MACF1: variants seen among roughly 807,000 people sequenced by gnomAD.
MACF1 encodes microtubule actin crosslinking factor 1.
In MACF1, 193 loss-of-function variants were observed where a neutral mutation model predicts 854.8. That is an observed-to-expected ratio of 0.23 (90% CI 0.20 to 0.25). The LOEUF (loss-of-function observed/expected upper bound fraction) is 0.25. Ranked by LOEUF, MACF1 falls within the 10% of genes least tolerant of loss-of-function variation. The pLI, the probability that MACF1 is intolerant of heterozygous loss-of-function variation, is 1.00. For missense variants in MACF1, 7,722 were observed against 8,929.1 expected (o/e 0.86, Z 5.45); for synonymous variants, 3,185 against 3,226.7 (o/e 0.99, Z 0.44).
Position 39,424,168 on chromosome 1 carries a change from T to G in MACF1, c.16290T>G (p.Thr5430=). Residue 5430 remains threonine (T), a synonymous_variant, in exon 61 of 101, where the codon ACT becomes ACG. Coordinates refer to ENST00000564288, the MANE Select transcript of MACF1 (RefSeq NM_001394062.1). ...TGGAGAGTCTTGAAAGTAGATGGAC[T>G]GAACTACTCAGTAAGGCAGCAGCCA... is the stretch of plus-strand genomic sequence containing the variant. ...GQLESLESRW[T]ELLSKAAARQ... 6.2e-7 allele frequency: 1 copy of G among 1,613,728 alleles called. No individual in the cohort carries two copies. The highest frequency in any genetic ancestry group is 8.5e-7 in the Non-Finnish European group (1 of 1,179,916).
intron 15 of MACF1, 81 bp from the exon 16 acceptor site, chr1:39,291,829 C>T: frequency 6.9e-7 from 1 of 1,456,674 alleles, no homozygotes; most frequent in Non-Finnish European, 9.2e-7. Context: ...CCCCTTGGTT[C>T]CTTGTCCTAA....
intron 2 of MACF1, among the ~76,000 whole-genome samples, chr1:39,151,132 G>A (rs1020568839): frequency 5.3e-5 from 8 of 152,022 alleles, no homozygotes; most frequent in Admixed American, 2.0e-4. Flanking sequence ...TTTATTTAAG[G>A]TACTATCTTC....
At chr1:39,393,834 AGAGG>A (rs1292916678) in intron 58 of MACF1, among the ~76,000 whole-genome samples, 1 of 138,232 alleles carries the variant, frequency 7.2e-6, no homozygotes, top group Non-Finnish European at 1.5e-5. Context: ...AGACAGAGAG[AGAGG>A]GAGGGAGGGA....
intron 2 of MACF1, among the ~76,000 whole-genome samples, chr1:39,239,606 A>G (rs1281940270): frequency 6.6e-6 from 1 of 152,240 alleles, no homozygotes; most frequent in African/African-American, 2.4e-5. Context: ...TAAATTATCT[A>G]TGCCATATCT....
At chr1:39,477,065 A>G (rs1435200970) in intron 97 of MACF1, among the ~76,000 whole-genome samples, 2 of 17,832 alleles carry the variant, frequency 1.1e-4, no homozygotes, top group East Asian at 1.6e-3. Flanking sequence ...ATATATATAT[A>G]TATATATATA....
chr1:39,393,199 AT>A (rs1642122607), intron 58 of MACF1, among the ~76,000 whole-genome samples: 78 of 112,862 alleles, frequency 6.9e-4, no homozygotes, highest in African/African-American at 3.1e-3. Flanking sequence ...AAAAAAAAAT[AT>A]ATATATATAT....
chr1:39,469,169 G>A (rs1336537726), intron 96 of MACF1, among the ~76,000 whole-genome samples: 2 of 152,178 alleles, frequency 1.3e-5, no homozygotes, highest in African/African-American at 4.8e-5. Flanking sequence ...TGGACCAGGA[G>A]GAAGGATAAA....
intron 51 of MACF1, among the ~76,000 whole-genome samples, chr1:39,370,641 G>A (rs1649144500): frequency 6.6e-6 from 1 of 152,126 alleles, no homozygotes; most frequent in Non-Finnish European, 1.5e-5. Context: ...AGCCAAATAT[G>A]CCTCTGACTA....
chr1:39,122,152 C>T (rs1642730581), intron 2 of MACF1, among the ~76,000 whole-genome samples: 1 of 152,050 alleles, frequency 6.6e-6, no homozygotes, highest in African/African-American at 2.4e-5. Flanking sequence ...GTATATAATT[C>T]ACATTTCAGA....
intron 94 of MACF1, 160 bp downstream of exon 94, chr1:39,463,846 T>G (rs1468121986): frequency 3.3e-6 from 2 of 597,550 alleles, no homozygotes; most frequent in Non-Finnish European, 6.1e-6. Context: ...GGTACCCTGT[T>G]ACATCTGAAA....
chr1:39,194,012 T>G (rs920771059), intron 2 of MACF1, among the ~76,000 whole-genome samples: 2 of 152,054 alleles, frequency 1.3e-5, no homozygotes, highest in African/African-American at 4.8e-5. Flanking sequence ...TTTGTATTTT[T>G]AATAGAGATG....
In MACF1 at chr1:39,357,839, A is replaced by C; in HGVS notation, c.11889A>C (p.Leu3963Phe). 2 of 1,614,144 alleles carry C rather than the reference A, an allele frequency of 1.2e-6. No homozygotes were observed. The highest frequency in any genetic ancestry group is 8.5e-7 in the Non-Finnish European group (1 of 1,180,006). The part of the protein sequence containing the change: ...EGKEPSEIGN[L>F]VKDKLKDATE... Reference sequence around the variant, plus strand: ...AAGAACCATCAGAAATTGGAAACTTAGTAAAGGACAAGTTGAAGGATGCAA... The same window carrying C: ...AAGAACCATCAGAAATTGGAAACTTCGTAAAGGACAAGTTGAAGGATGCAA... Residue 3963 changes from leucine (L) to phenylalanine (F), a missense_variant, in exon 45 of 101, where the codon TTA (leucine) becomes TTC (phenylalanine). This residue lies in a region of MACF1 where 2,807 missense variants were observed against 3,235.8 expected (regional missense o/e 0.87). Coordinates refer to ENST00000564288, the MANE Select transcript of MACF1 (RefSeq NM_001394062.1).
chr1:39,411,147 G>C (rs753203800), intron 58 of MACF1: 2 of 1,613,720 alleles, frequency 1.2e-6, no homozygotes, highest in Admixed American at 1.7e-5. Context: ...CCCCTTGCCT[G>C]AGTGAAGAGC....
At chr1:39,436,467 C>T (rs776924253) in intron 70 of MACF1, 23 of 1,613,778 alleles carry the variant, frequency 1.4e-5, no homozygotes, top group East Asian at 2.2e-5. Flanking sequence ...GTGTTGACCG[C>T]GCCCACCATT....
intron 2 of MACF1, among the ~76,000 whole-genome samples, chr1:39,170,720 A>G (rs1643937173): frequency 6.6e-6 from 1 of 152,268 alleles, no homozygotes; most frequent in African/African-American, 2.4e-5. Flanking sequence ...AAATAAAGCA[A>G]AGTCCTTTCC....
chr1:39,282,980 T>A (rs1227717287), intron 7 of MACF1: 8 of 504,540 alleles, frequency 1.6e-5, no homozygotes, highest in Non-Finnish European at 2.8e-5. Flanking sequence ...TCAACAAACC[T>A]AAACTGTATG....
chr1:39,352,857 T>G (rs1647234989), intron 43 of MACF1, 150 bp from the exon 44 acceptor site: 1 of 486,408 alleles, frequency 2.1e-6, no homozygotes, highest in South Asian at 4.7e-5. Context: ...TTAAAAGATA[T>G]GAATTCTCTT....
chr1:39,279,876 A>G (rs901815455), intron 6 of MACF1, among the ~76,000 whole-genome samples: 2 of 152,130 alleles, frequency 1.3e-5, no homozygotes, highest in Admixed American at 1.3e-4. Context: ...TTGTTTTTAT[A>G]CTTTTTATTA....
In MACF1 at chr1:39,333,404, A is replaced by C; in HGVS notation, c.6816A>C (p.Ser2272=). 1 of 1,614,134 alleles carries C rather than the reference A, an allele frequency of 6.2e-7. No individual in the cohort carries two copies. The highest frequency in any genetic ancestry group is 1.1e-5 in the South Asian group (1 of 91,082). ...EEDSGREIFL[S]CSHPLELLEE... ...ATAGTGGCAGGGAAATTTTTCTGTC[A>C]TGCAGTCATCCATTAGAATTGCTTG... The change falls in exon 37 of 101, where the codon TCA becomes TCC. Residue 2272 remains serine (S), a synonymous_variant. Transcript: ENST00000564288.
Sources: allele counts gnomAD v4.1 joint callset (sites outside exome capture counted in the v4.1 genomes callset), GRCh38; gene constraint gnomAD v4.1.1; regional missense constraint gnomAD v4.1.1; transcripts MANE v1.5; gene names NCBI Gene and HGNC (gene_info 2026-07-23, HGNC 2026-07-21).